The following HSD17B2 variants were observed in gnomAD, a reference collection of about 807,000 sequenced individuals.
HSD17B2 encodes the protein 17-beta-hydroxysteroid dehydrogenase type 2.
In HSD17B2, 32 loss-of-function variants were observed where a neutral mutation model predicts 26.9. That is an observed-to-expected ratio of 1.19 (90% confidence interval 0.90 to 1.60). The LOEUF (loss-of-function observed/expected upper bound fraction) is 1.60, where lower values mean the gene tolerates loss of function less well. Ranked by LOEUF, HSD17B2 falls within the 40% of genes most tolerant of loss-of-function variation. The pLI is 0.00. For synonymous variants in HSD17B2, 246 were observed against 186.7 expected, an observed-to-expected ratio of 1.32 and a Z score of -2.59; for missense variants, 613 against 468.6, an observed-to-expected ratio of 1.31 and a Z score of -2.85.
rs1246027631 is a variant in HSD17B2, at chr16:82,081,163, G to A, written c.665-9739G>A. ...ACTTCCATTGGATCTGCCCTCCTTG[G>A]AAGGCAAGAGGTGTGCAGAATAGAA... On this transcript the variant is annotated intron_variant, in intron 3 of 4. Transcript: ENST00000199936. 2.0e-5 allele frequency among the ~76,000 whole-genome samples: 3 copies of A among 152,106 alleles called. No homozygotes were observed. In the East Asian group the frequency reaches 5.8e-4, roughly 29 times the overall value.
intron 3 of HSD17B2, among the ~76,000 whole-genome samples, chr16:82,073,001 C>T (rs1239832415): frequency 6.6e-6 from 1 of 152,128 alleles, no homozygotes; most frequent in Non-Finnish European, 1.5e-5. Flanking sequence ...GTTAAGACTG[C>T]AGTAAGCTGT....
chr16:82,076,135 A>C (rs888338089), intron 3 of HSD17B2, among the ~76,000 whole-genome samples: 1 of 152,178 alleles, frequency 6.6e-6, no homozygotes, highest in Non-Finnish European at 1.5e-5. Flanking sequence ...AAACCATATG[A>C]TCATTTCAAT....
chr16:82,045,965 C>A (rs534934028), intron 1 of HSD17B2, among the ~76,000 whole-genome samples: 1 of 152,348 alleles, frequency 6.6e-6, no homozygotes, highest in South Asian at 2.1e-4. Flanking sequence ...ACTGTGAAGA[C>A]CTTTGCTCTA....
chr16:82,043,491 T>C (rs1913824638), intron 1 of HSD17B2, among the ~76,000 whole-genome samples: 1 of 125,970 alleles, frequency 7.9e-6, no homozygotes, highest in Non-Finnish European at 1.5e-5. Context: ...GAGACTATCC[T>C]GGCTAACACG....
Position 82,088,186 on chromosome 16 carries a change from T to G in HSD17B2, c.665-2716T>G, listed in dbSNP as rs918596954. On this transcript the variant is annotated intron_variant, in intron 3 of 4. Coordinates refer to ENST00000199936, the MANE Select transcript of HSD17B2 (RefSeq NM_002153.3). Reference sequence around the variant, plus strand: ...CCAGGGTGGCTCTTAGTAATCCACATAGTAAACAACGGCTGCTGGAGATTC... The same window carrying G: ...CCAGGGTGGCTCTTAGTAATCCACAGAGTAAACAACGGCTGCTGGAGATTC... 2.6e-5 allele frequency among the ~76,000 whole-genome samples: 4 copies of G among 152,186 alleles called. No individual in the cohort carries two copies. The East Asian group carries it at 5.8e-4, about 22-fold the overall frequency.
rs548768988 is a variant in HSD17B2, at chr16:82,065,057, C to A, written c.266-3113C>A. Reference sequence around the variant, plus strand: ...GTGGAGTTACACAGGACAATTATAACCTTGTGGACCCCTGTGGGGAAGGGG... The same window carrying A: ...GTGGAGTTACACAGGACAATTATAAACTTGTGGACCCCTGTGGGGAAGGGG... On this transcript the variant is annotated intron_variant, in intron 1 of 4. Coordinates refer to ENST00000199936, the MANE Select transcript of HSD17B2 (RefSeq NM_002153.3). Among the ~76,000 whole-genome samples the A allele has an allele frequency of 2.0e-5, 3 of 152,334 alleles. No homozygotes were observed. In the South Asian group the frequency reaches 6.2e-4, roughly 32 times the overall value.
intron 3 of HSD17B2, among the ~76,000 whole-genome samples, chr16:82,079,503 G>A (rs1480797475): frequency 6.6e-6 from 1 of 152,082 alleles, no homozygotes; most frequent in Non-Finnish European, 1.5e-5. Flanking sequence ...TTATGATCCC[G>A]TTTAACCCTA....
chr16:82,088,720 A>C (rs887224122), intron 3 of HSD17B2, among the ~76,000 whole-genome samples: 2 of 152,248 alleles, frequency 1.3e-5, no homozygotes, highest in African/African-American at 4.8e-5. Context: ...ATGAAACTAT[A>C]AATCACTTAC....
intron 3 of HSD17B2, among the ~76,000 whole-genome samples, chr16:82,085,136 T>C (rs1425319907): frequency 6.6e-6 from 1 of 152,194 alleles, no homozygotes; most frequent in African/African-American, 2.4e-5. Context: ...CAGCCTTGAG[T>C]TCTGTCTCAG....
intron 3 of HSD17B2, among the ~76,000 whole-genome samples, chr16:82,084,579 G>A (rs1007692388): frequency 2.3e-4 from 35 of 151,992 alleles, no homozygotes; most frequent in African/African-American, 8.0e-4. Flanking sequence ...TTTTTACCTA[G>A]AATTAGAGGA....
intron 3 of HSD17B2, among the ~76,000 whole-genome samples, chr16:82,089,946 T>A (rs921925802): frequency 4.6e-5 from 7 of 152,192 alleles, no homozygotes; most frequent in Non-Finnish European, 1.0e-4. Flanking sequence ...GATCTTGCCT[T>A]CCATTACTTC....
rs765030374 is a variant in HSD17B2 at position 82,035,568 on chromosome 16, C to T, written c.144C>T (p.Cys48=). The part of the protein sequence containing the change: ...MVCLAGLCAV[C]LLILSPFWGL... ...GCCTGGCAGGCCTCTGTGCAGTCTGCCTGCTCATCCTGTCCCCTTTTTGGG... is the reference window on the plus strand; with the variant it reads ...GCCTGGCAGGCCTCTGTGCAGTCTGTCTGCTCATCCTGTCCCCTTTTTGGG... The change falls in exon 1 of 5, where the codon TGC becomes TGT. Residue 48 remains cysteine (C), a synonymous_variant. Transcript: ENST00000199936. 13 of 1,613,924 alleles carry T rather than the reference C, an allele frequency of 8.1e-6. No homozygotes were observed. Among genetic ancestry groups the T allele is most frequent in the African/African-American group, 4.0e-5 (3 of 74,896 alleles).
At chr16:82,047,528 C>G (rs777868828) in intron 1 of HSD17B2, among the ~76,000 whole-genome samples, 15 of 152,072 alleles carry the variant, frequency 9.9e-5, no homozygotes, top group Non-Finnish European at 1.9e-4. Flanking sequence ...AGGCAAGAAG[C>G]CAGTATATTG....
chr16:82,040,888 G>A (rs1223911278), intron 1 of HSD17B2, among the ~76,000 whole-genome samples: 1 of 152,188 alleles, frequency 6.6e-6, no homozygotes, highest in South Asian at 2.1e-4. Flanking sequence ...TGCTGGAGAA[G>A]CATGAGCAAC....
At chr16:82,096,742 A>G (rs1904851089) in intron 4 of HSD17B2, 1 of 152,192 alleles carries the variant, frequency 6.6e-6, no homozygotes, top group African/African-American at 2.4e-5. Flanking sequence ...TGCCCATCAC[A>G]GTATAGTGGA....
At chr16:82,064,750 A>T (rs1025193883) in intron 1 of HSD17B2, among the ~76,000 whole-genome samples, 3 of 152,242 alleles carry the variant, frequency 2.0e-5, no homozygotes, top group African/African-American at 7.2e-5. Flanking sequence ...GTGGAAAGCT[A>T]TCATGAGCCA....
At chr16:82,046,805 C>T (rs1193215469) in intron 1 of HSD17B2, among the ~76,000 whole-genome samples, 2 of 152,020 alleles carry the variant, frequency 1.3e-5, no homozygotes, top group Admixed American at 1.3e-4. Context: ...TATTATTAAC[C>T]CCACTCAACG....
At chr16:82,077,948 A>G (rs1399281392) in intron 3 of HSD17B2, among the ~76,000 whole-genome samples, 2 of 152,228 alleles carry the variant, frequency 1.3e-5, no homozygotes, top group African/African-American at 2.4e-5. Context: ...CTATTGTACT[A>G]TAAGAAAACA....
chr16:82,064,785 G>C (rs942618611), intron 1 of HSD17B2, among the ~76,000 whole-genome samples: 2 of 152,192 alleles, frequency 1.3e-5, no homozygotes, highest in African/African-American at 4.8e-5. Flanking sequence ...TATGTCTGTG[G>C]ACAACATCTG....
Sources: gnomAD v4.1 joint callset for allele counts (sites outside exome capture counted in the v4.1 genomes callset) on GRCh38, gnomAD v4.1.1 for gene constraint, MANE v1.5 for transcripts, NCBI Gene and HGNC (gene_info 2026-07-23, HGNC 2026-07-21) for gene names.